RBM34: variants seen among roughly 807,000 people sequenced by gnomAD.
The protein encoded by RBM34 is RNA binding motif protein 34, also known as RNA-binding protein 34.
In RBM34, 39 loss-of-function variants were observed where a neutral mutation model predicts 44.6. The observed-to-expected ratio is 0.87, with a 90% CI of 0.68 to 1.14. The LOEUF (loss-of-function observed/expected upper bound fraction) is 1.14, where lower values mean the gene tolerates loss of function less well. Among genes scored for constraint, RBM34 ranks in the 50% most tolerant of loss-of-function variants. The pLI, the probability that RBM34 is intolerant of heterozygous loss-of-function variation, is 0.00. For missense variants in RBM34, 572 were observed against 517.9 expected (o/e 1.10, Z -1.01); for synonymous variants, 194 against 184.0 (o/e 1.05, Z -0.44).
chr1:235,139,028 G>A (rs1477972955), intron 6 of RBM34, among the ~76,000 whole-genome samples: 1 of 152,126 alleles, frequency 6.6e-6, no homozygotes, highest in East Asian at 1.9e-4. Flanking sequence ...TTCTTTCCAG[G>A]GAGTCATGTT....
At chr1:235,132,555 C>T (rs1175517489) in intron 10 of RBM34, among the ~76,000 whole-genome samples, 1 of 152,174 alleles carries the variant, frequency 6.6e-6, no homozygotes, top group African/African-American at 2.4e-5. Flanking sequence ...AATCTGCCCA[C>T]CTTGCCCTCC....
At position 235,148,400 on chromosome 1, in the gene RBM34, T is replaced by C. The variant is rs1662000736; in HGVS notation, c.701+4A>G. ...TGACTCCCTTTCTCTAATTATAAAC[T>C]TACTTTATTGCTGCCAACTTTTTGG... is the stretch of plus-strand genomic sequence containing the variant. On this transcript the variant is annotated splice_donor_region_variant and intron_variant, in intron 6 of 10. Transcript: ENST00000408888. 5 of 1,591,724 alleles carry C rather than the reference T, an allele frequency of 3.1e-6. No homozygotes were observed. Among genetic ancestry groups the C allele is most frequent in the Non-Finnish European group, 4.3e-6 (5 of 1,169,846 alleles).
At chr1:235,159,189 G>A (rs1484854918) in intron 3 of RBM34, among the ~76,000 whole-genome samples, 1 of 150,536 alleles carries the variant, frequency 6.6e-6, no homozygotes, top group Non-Finnish European at 1.5e-5. Flanking sequence ...CTCCAACCTG[G>A]GTGACAGAGC....
In RBM34 at chr1:235,135,674, C is replaced by T; in HGVS notation, c.986G>A (p.Gly329Glu). 6.2e-7 allele frequency: 1 copy of T among 1,614,048 alleles called. No individual in the cohort carries two copies. The highest frequency in any genetic ancestry group is 8.5e-7 in the Non-Finnish European group (1 of 1,179,910). The change falls in exon 10 of 11, where the codon GGG (glycine) becomes GAG (glutamate). Residue 329 changes from glycine (G) to glutamate (E), a missense_variant. By Grantham distance (98) the Gly-to-Glu change is moderately conservative (BLOSUM62 -2). Coordinates refer to ENST00000408888, the MANE Select transcript of RBM34 (RefSeq NM_015014.4). ...VRDKMTGIGK[G>E]FGYVLFENTD... ...TACCTCAAAGAGCACATAGCCAAAC[C>T]CTTTGCCGATGCCTGTCATTTTGTC...
intron 5 of RBM34, chr1:235,152,433 T>C: frequency 9.3e-7 from 1 of 1,080,554 alleles, no homozygotes. Flanking sequence ...TCTATTCTGC[T>C]GACACAGTAA....
chr1:235,153,042 G>A (rs148517589), intron 4 of RBM34, among the ~76,000 whole-genome samples: 2 of 151,978 alleles, frequency 1.3e-5, no homozygotes, highest in Non-Finnish European at 2.9e-5. Context: ...GCTAATTTTC[G>A]TATTTTTAGT....
intron 6 of RBM34, among the ~76,000 whole-genome samples, chr1:235,140,543 G>C (rs888694858): frequency 6.6e-6 from 1 of 152,224 alleles, no homozygotes; most frequent in Non-Finnish European, 1.5e-5. Context: ...GGCAGGGTTC[G>C]GGACCTGCAG....
intron 8 of RBM34, among the ~76,000 whole-genome samples, chr1:235,136,984 CTT>C (rs1027532259): frequency 1.3e-5 from 2 of 152,098 alleles, no homozygotes; most frequent in African/African-American, 4.8e-5. Context: ...GCCTTCTCTT[CTT>C]TCTTTTTTCC....
At position 235,131,591 on chromosome 1, in the gene RBM34, C is replaced by T; in HGVS notation, c.*122G>A. Reference sequence around the variant, plus strand: ...TGAGAATGTGGAAGTCTCCACATTTCACATACACCATCCATAAAGAAGTAT... The same window carrying T: ...TGAGAATGTGGAAGTCTCCACATTTTACATACACCATCCATAAAGAAGTAT... On this transcript the variant is annotated 3_prime_UTR_variant, in exon 11 of 11. Transcript: ENST00000408888. The T allele has an allele frequency of 9.0e-7, 1 of 1,109,136 alleles. No individual in the cohort carries two copies. The highest frequency in any genetic ancestry group is 1.3e-6 in the Non-Finnish European group (1 of 777,278). 68.7% of individuals were successfully genotyped at this position (1,109,136 alleles called of 1,614,324 possible). A position where few individuals can be genotyped will look rare whatever the true frequency, so the allele number is the denominator to read the frequency against.
chr1:235,152,387 G>C, intron 5 of RBM34: 11 of 770,462 alleles, frequency 1.4e-5, no homozygotes, highest in Non-Finnish European at 1.8e-5. Context: ...AGAATGCCTA[G>C]GATTCCAGCA....
At chr1:235,149,700 A>G (rs1662077999) in intron 5 of RBM34, among the ~76,000 whole-genome samples, 1 of 152,188 alleles carries the variant, frequency 6.6e-6, no homozygotes, top group Non-Finnish European at 1.5e-5. Context: ...GTCAACAACT[A>G]CAGCTGTCGA....
chr1:235,147,897 G>T (rs1253518981), intron 6 of RBM34, among the ~76,000 whole-genome samples: 1 of 151,988 alleles, frequency 6.6e-6, no homozygotes, highest in Non-Finnish European at 1.5e-5. Context: ...ATGGAAGGGC[G>T]AACAAGGAGA....
At chr1:235,154,816 G>C in intron 4 of RBM34, 65 bp downstream of exon 4, 1 of 1,222,784 alleles carries the variant, frequency 8.2e-7, no homozygotes, top group Non-Finnish European at 1.2e-6. Context: ...ACTATTGAAT[G>C]CTTATTCAAC....
intron 4 of RBM34, among the ~76,000 whole-genome samples, chr1:235,153,066 C>T (rs1016164746): frequency 2.6e-5 from 4 of 152,012 alleles, no homozygotes; most frequent in Admixed American, 2.6e-4. Flanking sequence ...GACGGGGTTT[C>T]GCCATGTTGG....
Position 235,161,200 on chromosome 1 carries a change from C to A in RBM34, c.27G>T (p.Arg9=). The part of the protein sequence containing the change: MALEGMSK[R]KRKRSVQEGE... ...CCTCCTGGACACTTCTCTTTCTCTT[C>A]CGTTTGCTCATCCCTTCCAAGGCCA... Residue 9 remains arginine, a synonymous_variant, in exon 1 of 11, where the codon CGG becomes CGT. Transcript: ENST00000408888. The A allele has an allele frequency of 6.2e-7, 1 of 1,610,388 alleles. No individual in the cohort carries two copies. Among genetic ancestry groups the A allele is most frequent in the Non-Finnish European group, 8.5e-7 (1 of 1,177,916 alleles).
Position 235,154,994 on chromosome 1 carries a change from C to G in RBM34, c.484G>C (p.Glu162Gln). The G allele has an allele frequency of 6.2e-7, 1 of 1,614,014 alleles. No homozygotes were observed. The highest frequency in any genetic ancestry group is 1.3e-5 in the African/African-American group (1 of 75,044). ...TTTCTTTGACTGACAACTGTGTCTT[C>G]TGTGTCATCAAGTATTTTTCTATCT... ...VADRKILDDT[E>Q]DTVVSQRKKI... Residue 162 changes from glutamate (E) to glutamine (Q), a missense_variant, in exon 4 of 11, where the codon GAA becomes CAA. By Grantham distance (29) the Glu-to-Gln change is conservative (BLOSUM62 2). Transcript: ENST00000408888.
At chr1:235,145,217 A>T (rs778860230) in intron 6 of RBM34, among the ~76,000 whole-genome samples, 1 of 152,186 alleles carries the variant, frequency 6.6e-6, no homozygotes, top group Non-Finnish European at 1.5e-5. Flanking sequence ...GCTCACTCAT[A>T]AGAGAAATTC....
intron 6 of RBM34, among the ~76,000 whole-genome samples, chr1:235,140,602 C>T (rs997906017): frequency 2.0e-5 from 3 of 152,156 alleles, no homozygotes; most frequent in East Asian, 1.9e-4. Flanking sequence ...CTGTGCGGCC[C>T]GAGCCTCCCC....
At chr1:235,134,380 T>TG (rs1197268496) in intron 10 of RBM34, among the ~76,000 whole-genome samples, 8 of 152,156 alleles carry the variant, frequency 5.3e-5, no homozygotes, top group African/African-American at 1.9e-4. Context: ...AAGCTGGACT[T>TG]GAAGTCCTCA....
Sources: gnomAD v4.1 joint callset for allele counts (sites outside exome capture counted in the v4.1 genomes callset) on GRCh38, gnomAD v4.1.1 for gene constraint, MANE v1.5 for transcripts, NCBI Gene and HGNC (gene_info 2026-07-23, HGNC 2026-07-21) for gene names.